ARHGAP20: variants seen among roughly 807,000 people sequenced by gnomAD.
ARHGAP20 encodes the protein Rho GTPase activating protein 20, also known as rho GTPase-activating protein 20.
ARHGAP20 carries 34 observed loss-of-function variants against 73.7 expected under a neutral mutation model. The observed-to-expected ratio is 0.46, with a 90% confidence interval of 0.35 to 0.61. ARHGAP20 has a LOEUF of 0.61. Among genes scored for constraint, ARHGAP20 ranks in the 20% least tolerant of loss-of-function variants. The pLI, the probability that ARHGAP20 is intolerant of heterozygous loss-of-function variation, is 0.00. For synonymous variants in ARHGAP20, 523 were observed against 518.2 expected (o/e 1.01, Z -0.13); for missense variants, 1,314 against 1,420.9 (o/e 0.92, Z 1.21).
intron 2 of ARHGAP20, among the ~76,000 whole-genome samples, chr11:110,664,727 C>CAAAAAAAAAAAAAAA (rs34643863): frequency 1.1e-5 from 1 of 88,308 alleles, no homozygotes. Flanking sequence ...GACTCCGTCT[C>CAAAAAAAAAAAAAAA]AAAAAAAAAA....
chr11:110,652,700 A>G (rs1433149700), intron 2 of ARHGAP20, among the ~76,000 whole-genome samples: 1 of 152,228 alleles, frequency 6.6e-6, no homozygotes, highest in Non-Finnish European at 1.5e-5. Flanking sequence ...TACCTCTTCA[A>G]GAAGAACTAC....
At chr11:110,660,846 A>G (rs1283802177) in intron 2 of ARHGAP20, among the ~76,000 whole-genome samples, 1 of 152,130 alleles carries the variant, frequency 6.6e-6, no homozygotes, top group Admixed American at 6.5e-5. Flanking sequence ...TTGGGGCTAG[A>G]ATAAGGACAA....
chr11:110,668,422 G>A (rs1949765781), intron 2 of ARHGAP20, among the ~76,000 whole-genome samples: 1 of 152,158 alleles, frequency 6.6e-6, no homozygotes, highest in Non-Finnish European at 1.5e-5. Flanking sequence ...GCTGAGCTGG[G>A]CAGGTTCCTT....
intron 2 of ARHGAP20, among the ~76,000 whole-genome samples, chr11:110,642,338 G>A (rs1232835297): frequency 6.6e-6 from 1 of 152,110 alleles, no homozygotes. Context: ...AATAAAAGTG[G>A]TGAGAGTGGG....
At chr11:110,648,507 C>CA (rs1394582390) in intron 2 of ARHGAP20, among the ~76,000 whole-genome samples, 1 of 133,830 alleles carries the variant, frequency 7.5e-6, no homozygotes, top group East Asian at 2.2e-4. Context: ...TTTTTTGAGA[C>CA]AGAGTCTCAC....
intron 2 of ARHGAP20, among the ~76,000 whole-genome samples, chr11:110,642,324 G>A (rs1475038812): frequency 6.6e-6 from 1 of 152,066 alleles, no homozygotes; most frequent in African/African-American, 2.4e-5. Context: ...CCAGTACTAT[G>A]TGGAATAAAA....
chr11:110,609,182 C>A (rs1948308816), intron 7 of ARHGAP20, 132 bp from the exon 8 acceptor site: 3 of 723,134 alleles, frequency 4.1e-6, no homozygotes, highest in Middle Eastern at 4.9e-4. Context: ...GATCCATGAA[C>A]TGCAGTGGAA....
rs180804430 is a variant in ARHGAP20 at position 110,628,813 on chromosome 11, A to G, written c.353+1815T>C. Among the ~76,000 whole-genome samples, 7 of 152,312 alleles carry G rather than the reference A, an allele frequency of 4.6e-5. No individual in the cohort carries two copies. The East Asian group carries it at 1.3e-3, about 29-fold the overall frequency. On this transcript the variant is annotated intron_variant, in intron 3 of 14. Coordinates refer to ENST00000683387, the MANE Select transcript of ARHGAP20 (RefSeq NM_001384657.1). ...TGTGAGAAAGGGACAATCAAAATAA[A>G]AAGTCAGCTACAGAAGCAGACAATG...
chr11:110,661,963 A>C (rs1249863369), intron 2 of ARHGAP20, among the ~76,000 whole-genome samples: 3 of 152,072 alleles, frequency 2.0e-5, no homozygotes, highest in Non-Finnish European at 4.4e-5. Flanking sequence ...ATAATAATTC[A>C]TCAGTAAGGA....
intron 9 of ARHGAP20, among the ~76,000 whole-genome samples, chr11:110,596,003 A>G (rs2134842648): frequency 6.6e-6 from 1 of 152,278 alleles, no homozygotes; most frequent in Admixed American, 6.5e-5. Flanking sequence ...GTCTACAACT[A>G]TCTGATCTTT....
intron 1 of ARHGAP20, among the ~76,000 whole-genome samples, chr11:110,694,371 T>C (rs1381642755): frequency 1.3e-5 from 2 of 151,794 alleles, no homozygotes. Context: ...GTTTTTGCCA[T>C]TACTTCCAAT....
chr11:110,626,736 T>C (rs1948751130), intron 3 of ARHGAP20, among the ~76,000 whole-genome samples: 1 of 148,534 alleles, frequency 6.7e-6, no homozygotes, highest in African/African-American at 2.5e-5. Context: ...ATCTTTGGCT[T>C]TTTTTTTTTA....
chr11:110,631,052 A>C (rs189118289), intron 2 of ARHGAP20, among the ~76,000 whole-genome samples: 1 of 152,290 alleles, frequency 6.6e-6, no homozygotes, highest in African/African-American at 2.4e-5. Context: ...TGCTTTACCA[A>C]ATACCTATCC....
chr11:110,592,485 C>T (rs538934259), intron 9 of ARHGAP20, among the ~76,000 whole-genome samples: 108 of 152,156 alleles, frequency 7.1e-4, no homozygotes, highest in Middle Eastern at 6.8e-3. Flanking sequence ...AAGCAAAAAG[C>T]GTTTCATACA....
chr11:110,684,666 A>C (rs1364544792), intron 2 of ARHGAP20, among the ~76,000 whole-genome samples: 5 of 152,192 alleles, frequency 3.3e-5, no homozygotes, highest in African/African-American at 4.8e-5. Context: ...GAATCAACCT[A>C]AGTGTCTATC....
At chr11:110,625,095 T>TGCAGC (rs1565445416) in intron 3 of ARHGAP20, among the ~76,000 whole-genome samples, 4 of 149,258 alleles carry the variant, frequency 2.7e-5, no homozygotes, top group Admixed American at 1.3e-4. Flanking sequence ...CGGACTGCAG[T>TGCAGC]GGCGCAATCT....
chr11:110,697,282 T>A (rs890983768), intron 1 of ARHGAP20, among the ~76,000 whole-genome samples: 3 of 151,662 alleles, frequency 2.0e-5, no homozygotes, highest in African/African-American at 7.2e-5. Flanking sequence ...GCCATTCTGA[T>A]GGGTGTAAGA....
At chr11:110,698,427 G>C (rs182011606) in intron 1 of ARHGAP20, among the ~76,000 whole-genome samples, 1 of 151,764 alleles carries the variant, frequency 6.6e-6, no homozygotes, top group South Asian at 2.1e-4. Flanking sequence ...GGGAGATACT[G>C]GTTTCATAGA....
At chr11:110,608,794 G>A (rs909064145) in intron 8 of ARHGAP20, among the ~76,000 whole-genome samples, 190 bp downstream of exon 8, 1 of 152,064 alleles carries the variant, frequency 6.6e-6, no homozygotes, top group Non-Finnish European at 1.5e-5. Context: ...TATACCATTA[G>A]CTGCTTGAAT....
Sources: gnomAD v4.1 joint callset for allele counts (sites outside exome capture counted in the v4.1 genomes callset) on GRCh38, gnomAD v4.1.1 for gene constraint, MANE v1.5 for transcripts, NCBI Gene and HGNC (gene_info 2026-07-23, HGNC 2026-07-21) for gene names.